SLC38A1: variants seen among roughly 807,000 people sequenced by gnomAD.
SLC38A1 encodes solute carrier family 38 member 1, also known as sodium-coupled neutral amino acid symporter 1.
Under a neutral mutation model 60.3 loss-of-function variants are expected in SLC38A1, and 18 were observed. The observed-to-expected ratio is 0.30, with a 90% CI of 0.21 to 0.44. SLC38A1 has a LOEUF of 0.44. SLC38A1 is among the 20% of genes least tolerant of loss of function. The pLI is 1.00. For synonymous variants in SLC38A1, 196 were observed against 212.1 expected, an observed-to-expected ratio of 0.92 and a Z score of 0.66; for missense variants, 448 against 587.2, an observed-to-expected ratio of 0.76 and a Z score of 2.45.
At chr12:46,191,200 C>T (rs1375869008) in intron 16 of SLC38A1, among the ~76,000 whole-genome samples, 1 of 152,164 alleles carries the variant, frequency 6.6e-6, no homozygotes, top group Non-Finnish European at 1.5e-5. Flanking sequence ...ATCCTTTCCC[C>T]ATTTCTTGTT....
At position 46,239,829 on chromosome 12, in the gene SLC38A1, T is replaced by G; in HGVS notation, c.-29A>C. Reference sequence around the variant, plus strand: ...TAGAAAGTGTCTGTAGTTTGAAAATTAGTCCAAATTTCTCCTGTTCTGAGT... The same window carrying G: ...TAGAAAGTGTCTGTAGTTTGAAAATGAGTCCAAATTTCTCCTGTTCTGAGT... On this transcript the variant is annotated 5_prime_UTR_variant, in exon 3 of 17. Transcript: ENST00000398637. 1 of 1,610,200 alleles carries G rather than the reference T, an allele frequency of 6.2e-7. No homozygotes were observed. Among genetic ancestry groups the G allele is most frequent in the Non-Finnish European group, 8.5e-7 (1 of 1,179,192 alleles).
At position 46,268,816 on chromosome 12, in the gene SLC38A1, C is replaced by T. The variant is rs1942451117; in HGVS notation, c.-499G>A. On this transcript the variant is annotated 5_prime_UTR_variant, in exon 1 of 17. Coordinates refer to ENST00000398637, the MANE Select transcript of SLC38A1 (RefSeq NM_030674.4). The surrounding 1 kb of genome is among the most constrained non-coding windows in gnomAD (Gnocchi z 4.4). ...CCGGGCCGATTGCATCAGAATCTCC[C>T]CTCACCACCAACCCCCACTCACACT... 1 of 438,148 alleles carries T rather than the reference C, an allele frequency of 2.3e-6. No individual in the cohort carries two copies. Among genetic ancestry groups the T allele is most frequent in the Middle Eastern group, 3.3e-4 (1 of 3,000 alleles). The allele number at this position is 438,148 out of a possible 1,614,324, so 27.1% of individuals were successfully genotyped here.
At chr12:46,189,780 T>A (rs1041447476) in intron 16 of SLC38A1, among the ~76,000 whole-genome samples, 2 of 152,258 alleles carry the variant, frequency 1.3e-5, no homozygotes, top group South Asian at 2.1e-4. Context: ...GGTGGTTTTA[T>A]AAAGGGGAGT....
rs3742058 is a variant in SLC38A1, at chr12:46,184,289, G to T, written c.*4681C>A. On this transcript the variant is annotated 3_prime_UTR_variant, in exon 17 of 17. Transcript: ENST00000398637. ...AATAATTCACTGTAATTTAGGGGAA[G>T]TATGTCCTGTTGCTAAAGGATTCTC... is the stretch of plus-strand genomic sequence containing the variant. 0.23 allele frequency: 35,708 copies of T among 152,112 alleles called. 4,955 individuals carry two copies. Among genetic ancestry groups the T allele is most frequent in the Non-Finnish European group, 0.31 (20,832 of 67,980 alleles). The allele number at this position is 152,112 out of a possible 1,614,324, so 9.4% of individuals were successfully genotyped here.
At chr12:46,240,721 T>G (rs2138304444) in intron 2 of SLC38A1, among the ~76,000 whole-genome samples, 1 of 152,344 alleles carries the variant, frequency 6.6e-6, no homozygotes, top group Non-Finnish European at 1.5e-5. Flanking sequence ...ATCCATCAAC[T>G]GCAAGAGATT....
At chr12:46,229,908 T>C (rs1315060864) in intron 3 of SLC38A1, among the ~76,000 whole-genome samples, 1 of 152,214 alleles carries the variant, frequency 6.6e-6, no homozygotes, top group Non-Finnish European at 1.5e-5. Context: ...GCACTCTACC[T>C]TGTACAAAAC....
chr12:46,213,076 A>C lies in SLC38A1; in HGVS notation c.315-3949T>G, dbSNP rs1397150470. Among the ~76,000 whole-genome samples, 4 of 152,218 alleles carry C rather than the reference A, an allele frequency of 2.6e-5. No homozygotes were observed. In the East Asian group the frequency reaches 7.7e-4, roughly 29 times the overall value. ...TGTTTGGGCTGTTTACATCTCAGTC[A>C]TGGTCCAGTTCCTCAACCATCCTTT... is the stretch of plus-strand genomic sequence containing the variant. On this transcript the variant is annotated intron_variant, in intron 5 of 16. Transcript: ENST00000398637.
intron 13 of SLC38A1, among the ~76,000 whole-genome samples, chr12:46,199,636 G>A (rs992614788): frequency 6.6e-6 from 1 of 151,754 alleles, no homozygotes; most frequent in Non-Finnish European, 1.5e-5. Flanking sequence ...TGGGATCACA[G>A]GTGCAAGCCA....
intron 3 of SLC38A1, among the ~76,000 whole-genome samples, chr12:46,232,494 T>G (rs1039038208): frequency 1.3e-5 from 2 of 152,256 alleles, no homozygotes; most frequent in Non-Finnish European, 2.9e-5. Flanking sequence ...TTGGCTTTTC[T>G]TTTGTCTTTA....
chr12:46,227,425 C>CT lies in SLC38A1; in HGVS notation c.314+1727dup, dbSNP rs564332391. Among the ~76,000 whole-genome samples, 445 of 152,272 alleles carry CT rather than the reference C, an allele frequency of 2.9e-3. 4 individuals are homozygous for CT. Among genetic ancestry groups the CT allele is most frequent in the African/African-American group, 0.01 (419 of 41,554 alleles). On this transcript the variant is annotated intron_variant, in intron 5 of 16. Coordinates refer to ENST00000398637, the MANE Select transcript of SLC38A1 (RefSeq NM_030674.4). Reference sequence around the variant, plus strand: ...GAGAGATTCCAAAATTAAAGCTACCCTTTATGCCTCAGTTTCCTTATCTGT... The same window carrying CT: ...GAGAGATTCCAAAATTAAAGCTACCCTTTTATGCCTCAGTTTCCTTATCTGT...
At chr12:46,219,708 C>CA (rs1452189492) in intron 5 of SLC38A1, among the ~76,000 whole-genome samples, 18 of 152,352 alleles carry the variant, frequency 1.2e-4, no homozygotes, top group Admixed American at 6.5e-4. Context: ...ACTGTGATAA[C>CA]TCCAACCTGG....
At chr12:46,219,376 G>A (rs1206801989) in intron 5 of SLC38A1, among the ~76,000 whole-genome samples, 1 of 152,144 alleles carries the variant, frequency 6.6e-6, no homozygotes, top group Non-Finnish European at 1.5e-5. Context: ...AGATCTCATG[G>A]AACAATGTAC....
intron 12 of SLC38A1, among the ~76,000 whole-genome samples, chr12:46,201,480 A>G (rs907980806): frequency 2.0e-5 from 3 of 152,148 alleles, no homozygotes; most frequent in Admixed American, 2.0e-4. Flanking sequence ...TTTTTTTAAT[A>G]TTTGTGCTTG....
chr12:46,210,870 CT>C (rs1233110340), intron 5 of SLC38A1, among the ~76,000 whole-genome samples: 1 of 152,110 alleles, frequency 6.6e-6, no homozygotes, highest in African/African-American at 2.4e-5. Flanking sequence ...TCAGGAATGT[CT>C]TTATCAGGAG....
chr12:46,238,953 C>T (rs897684770), intron 3 of SLC38A1, among the ~76,000 whole-genome samples: 7 of 152,224 alleles, frequency 4.6e-5, no homozygotes, highest in African/African-American at 1.7e-4. Context: ...AAGGATGACA[C>T]ACTTGTAGTT....
intron 16 of SLC38A1, among the ~76,000 whole-genome samples, chr12:46,194,206 T>C (rs1204907255): frequency 6.6e-6 from 1 of 152,226 alleles, no homozygotes; most frequent in Non-Finnish European, 1.5e-5. Context: ...TTAGTTTGGC[T>C]GGATAGGAGA....
intron 5 of SLC38A1, among the ~76,000 whole-genome samples, chr12:46,217,523 T>C (rs1592101531): frequency 6.6e-6 from 1 of 152,218 alleles, no homozygotes; most frequent in South Asian, 2.1e-4. Context: ...AATAAAAATA[T>C]AAAGAACTTT....
At chr12:46,221,234 A>G (rs1365839161) in intron 5 of SLC38A1, among the ~76,000 whole-genome samples, 2 of 152,194 alleles carry the variant, frequency 1.3e-5, no homozygotes, top group African/African-American at 4.8e-5. Context: ...GGGCCAGAGA[A>G]TTCACCTACA....
At chr12:46,249,659 C>T (rs2138626501) in intron 1 of SLC38A1, among the ~76,000 whole-genome samples, 1 of 152,180 alleles carries the variant, frequency 6.6e-6, no homozygotes, top group Middle Eastern at 3.4e-3. Context: ...GGGGATATCA[C>T]CACCAATCCC....
Sources: gnomAD v4.1 joint callset for allele counts (sites outside exome capture counted in the v4.1 genomes callset) on GRCh38, gnomAD v4.1.1 for gene constraint, Gnocchi (gnomAD v3.1) non-coding constraint, MANE v1.5 for transcripts, NCBI Gene and HGNC (gene_info 2026-07-23, HGNC 2026-07-21) for gene names.